LYPD6: variants seen among roughly 807,000 people sequenced by gnomAD.
LYPD6 encodes the protein LY6/PLAUR domain containing 6.
LYPD6 carries 15 observed loss-of-function variants against 22.7 expected under a neutral mutation model. The observed-to-expected ratio is 0.66, with a 90% CI of 0.44 to 1.02. The LOEUF is 1.02. LYPD6 is among the 50% of genes least tolerant of loss of function. LYPD6 has a pLI of 0.00. For synonymous variants in LYPD6, 72 were observed against 77.5 expected, an observed-to-expected ratio of 0.93 and a Z score of 0.37; for missense variants, 189 against 208.4, an observed-to-expected ratio of 0.91 and a Z score of 0.57.
intron 1 of LYPD6, among the ~76,000 whole-genome samples, chr2:149,372,312 T>G (rs558845754): frequency 1.3e-5 from 2 of 152,312 alleles, no homozygotes; most frequent in African/African-American, 4.8e-5. Context: ...TATAACCGTA[T>G]ACTTTGCTTA....
chr2:149,348,061 C>CAAAAAAAAAAAAAAAAAAA (rs58228847), intron 1 of LYPD6, among the ~76,000 whole-genome samples: 5 of 76,690 alleles, frequency 6.5e-5, no homozygotes, highest in Non-Finnish European at 7.8e-5. Flanking sequence ...ACTAAAAATA[C>CAAAAAAAAAAAAAAAAAAA]AAAAAAAAAA....
In LYPD6 at chr2:149,387,946, A is replaced by G. The variant is rs531434373; in HGVS notation, c.-71-49692A>G. ...GTTATACTAAGCAGTTTTGACTTCT[A>G]AGTATTTGGTAGGGAGCACTGAAGG... On this transcript the variant is annotated intron_variant, in intron 1 of 4. Coordinates refer to ENST00000334166, the MANE Select transcript of LYPD6 (RefSeq NM_194317.5). Among the ~76,000 whole-genome samples, 4 of 152,240 alleles carry G rather than the reference A, an allele frequency of 2.6e-5. No individual in the cohort carries two copies. The South Asian group carries it at 8.3e-4, about 32-fold the overall frequency.
rs150319367 is a variant in LYPD6 at position 149,422,687 on chromosome 2, A to G, written c.-71-14951A>G. ...TTAACTCTAGTCACCATGCTGTACA[A>G]CAGATCCCCAGAACTTATTCCTCTT... On this transcript the variant is annotated intron_variant, in intron 1 of 4. Coordinates refer to ENST00000334166, the MANE Select transcript of LYPD6 (RefSeq NM_194317.5). 7.8e-3 allele frequency among the ~76,000 whole-genome samples: 1,192 copies of G among 152,256 alleles called. 15 individuals carry two copies. The highest frequency in any genetic ancestry group is 0.026 in the African/African-American group (1,077 of 41,544).
chr2:149,398,570 G>A (rs547084443), intron 1 of LYPD6, among the ~76,000 whole-genome samples: 18 of 152,084 alleles, frequency 1.2e-4, no homozygotes, highest in South Asian at 6.2e-4. Flanking sequence ...GCTAGAGTGG[G>A]GAAGGGATGG....
chr2:149,360,369 C>T (rs1050145609), intron 1 of LYPD6, among the ~76,000 whole-genome samples: 4 of 152,158 alleles, frequency 2.6e-5, no homozygotes, highest in African/African-American at 9.7e-5. Flanking sequence ...CAGTAGGTCT[C>T]AGCCTTATTT....
chr2:149,377,493 C>T (rs999634690), intron 1 of LYPD6, among the ~76,000 whole-genome samples: 1 of 152,110 alleles, frequency 6.6e-6, no homozygotes, highest in Non-Finnish European at 1.5e-5. Flanking sequence ...CATAAAAAAG[C>T]AAAGTGGCTG....
intron 1 of LYPD6, among the ~76,000 whole-genome samples, chr2:149,405,630 CTTT>C (rs1391910736): frequency 6.6e-6 from 1 of 152,142 alleles, no homozygotes; most frequent in Non-Finnish European, 1.5e-5. Context: ...CTGTTTTCTT[CTTT>C]ATTAGTCTTG....
chr2:149,330,650 C>T lies in LYPD6; in HGVS notation c.-144C>T, dbSNP rs1396440253. ...CTGGCGGGGCGCCGCATTGCACACT[C>T]TGGGGGCGCCGCAGTGTTCGTGGGA... is the stretch of plus-strand genomic sequence containing the variant. On this transcript the variant is annotated 5_prime_UTR_variant, in exon 1 of 5. Coordinates refer to ENST00000334166, the MANE Select transcript of LYPD6 (RefSeq NM_194317.5). The T allele has an allele frequency of 6.7e-6, 1 of 150,146 alleles. No homozygotes were observed. The highest frequency in any genetic ancestry group is 1.5e-5 in the Non-Finnish European group (1 of 66,820). The allele number at this position is 150,146 out of a possible 1,614,324, so 9.3% of individuals were successfully genotyped here. A position where few individuals can be genotyped will look rare whatever the true frequency, so the allele number is the denominator to read the frequency against.
intron 1 of LYPD6, among the ~76,000 whole-genome samples, chr2:149,370,922 C>T (rs888103): frequency 0.18 from 26,871 of 152,034 alleles, 2,387 homozygotes; most frequent in Middle Eastern, 0.2. Flanking sequence ...ATGATTGCTC[C>T]ACTGTACTCC....
chr2:149,449,800 G>A (rs1283463441), intron 3 of LYPD6, among the ~76,000 whole-genome samples: 20 of 152,132 alleles, frequency 1.3e-4, no homozygotes, highest in Admixed American at 1.3e-3. Context: ...TTGGAGGAAA[G>A]TCTATTTATT....
intron 1 of LYPD6, among the ~76,000 whole-genome samples, chr2:149,405,597 TTA>T (rs1682683462): frequency 6.6e-6 from 1 of 152,254 alleles, no homozygotes; most frequent in South Asian, 2.1e-4. Context: ...TTATCATTTT[TTA>T]TTGGTCTATT....
chr2:149,330,419 G>GAGCGCGCCCCGCA (rs1680908417), upstream of LYPD6: 2 of 150,412 alleles, frequency 1.3e-5, no homozygotes, highest in African/African-American at 4.9e-5. Context: ...CGCGCGCCGG[G>GAGCGCGCCCCGCA]CCAATGAGCG....
intron 2 of LYPD6, 104 bp downstream of exon 2, chr2:149,437,930 C>A: frequency 1.7e-6 from 2 of 1,207,128 alleles, no homozygotes; most frequent in East Asian, 2.4e-5. Flanking sequence ...GAAAACCTCC[C>A]GTGATTTAAC....
intron 1 of LYPD6, among the ~76,000 whole-genome samples, chr2:149,334,871 G>GAA (rs1681006045): frequency 6.6e-6 from 1 of 151,942 alleles, no homozygotes; most frequent in Non-Finnish European, 1.5e-5. Context: ...TTATATGATG[G>GAA]TGGTCCCATA....
At chr2:149,447,543 C>T (rs899927098) in intron 2 of LYPD6, among the ~76,000 whole-genome samples, 1 of 152,172 alleles carries the variant, frequency 6.6e-6, no homozygotes, top group Admixed American at 6.5e-5. Flanking sequence ...TCTGCATGGG[C>T]AGCATATATT....
chr2:149,379,046 A>T (rs1402050547), intron 1 of LYPD6, among the ~76,000 whole-genome samples: 2 of 152,206 alleles, frequency 1.3e-5, no homozygotes, highest in African/African-American at 4.8e-5. Context: ...GAAGTTATGA[A>T]TTCACCGAAT....
At chr2:149,358,598 A>G (rs527833859) in intron 1 of LYPD6, among the ~76,000 whole-genome samples, 3 of 152,196 alleles carry the variant, frequency 2.0e-5, no homozygotes, top group Non-Finnish European at 4.4e-5. Flanking sequence ...GGGAGTGAGT[A>G]TCTAGAAGTG....
intron 1 of LYPD6, among the ~76,000 whole-genome samples, chr2:149,387,743 T>C (rs1462328681): frequency 6.6e-6 from 1 of 152,022 alleles, no homozygotes; most frequent in Non-Finnish European, 1.5e-5. Context: ...AGTGAGAGAA[T>C]ATAGAGGGAG....
intron 1 of LYPD6, among the ~76,000 whole-genome samples, chr2:149,378,854 G>T (rs1681995606): frequency 1.3e-5 from 2 of 152,148 alleles, no homozygotes; most frequent in Admixed American, 6.6e-5. Context: ...CCCCATCCTG[G>T]AAACTTGTGC....
Sources: gnomAD v4.1 joint callset for allele counts (sites outside exome capture counted in the v4.1 genomes callset) on GRCh38, gnomAD v4.1.1 for gene constraint, MANE v1.5 for transcripts, NCBI Gene and HGNC (gene_info 2026-07-23, HGNC 2026-07-21) for gene names.